Variants in PCOLCE2 observed in about 807,000 individuals in gnomAD.
PCOLCE2 encodes procollagen C-endopeptidase enhancer 2.
Under a neutral mutation model 47.0 loss-of-function variants are expected in PCOLCE2, and 42 were observed. The ratio of observed to expected loss-of-function variants is 0.89; its 90% CI spans 0.70 to 1.16. The LOEUF is 1.16. PCOLCE2 is among the 50% of genes most tolerant of loss of function. The pLI is 0.00. For synonymous variants in PCOLCE2, 169 were observed against 191.7 expected (o/e 0.88, Z 0.98); for missense variants, 500 against 526.1 (o/e 0.95, Z 0.49).
intron 2 of PCOLCE2, among the ~76,000 whole-genome samples, chr3:142,876,294 A>T (rs894135593): frequency 2.6e-5 from 4 of 152,178 alleles, no homozygotes; most frequent in African/African-American, 7.2e-5. Flanking sequence ...AGTATTTACC[A>T]TTTGCTAGGC....
chr3:142,822,895 G>A (rs1937030675), intron 7 of PCOLCE2, among the ~76,000 whole-genome samples: 1 of 152,184 alleles, frequency 6.6e-6, no homozygotes, highest in Admixed American at 6.5e-5. Flanking sequence ...TGTCTTAAAT[G>A]TTCCTTTAAA....
Position 142,829,845 on chromosome 3 carries a change from G to A in PCOLCE2, c.712C>T (p.Pro238Ser). ...GKYCGDSPPA[P>S]IVSERNELLI... Reference sequence around the variant, plus strand: ...AGTTCATTTCTCTCAGACACAATTGGCCTAAAAAAAGAAAAATGTGTTTTT... The same window carrying A: ...AGTTCATTTCTCTCAGACACAATTGACCTAAAAAAAGAAAAATGTGTTTTT... The change falls in exon 6 of 9, where the codon CCA (proline) becomes TCA (serine). Residue 238 changes from proline (P) to serine (S), a missense_variant and splice_region_variant. Coordinates refer to ENST00000295992, the MANE Select transcript of PCOLCE2 (RefSeq NM_013363.4). 4 of 1,549,000 alleles carry A rather than the reference G, an allele frequency of 2.6e-6. No homozygotes were observed. The South Asian group carries it at 5.0e-5, about 19-fold the overall frequency.
intron 2 of PCOLCE2, among the ~76,000 whole-genome samples, chr3:142,879,125 C>T (rs116222377): frequency 0.044 from 6,623 of 152,092 alleles, 148 homozygotes; most frequent in Non-Finnish European, 0.052. Flanking sequence ...TTTAATTATA[C>T]TAAATGCCTT....
Position 142,848,249 on chromosome 3 carries a change from G to A in PCOLCE2, c.416C>T (p.Ala139Val). Residue 139 changes from alanine to valine, a missense_variant, in exon 3 of 9, where the codon GCC becomes GTC. Coordinates refer to ENST00000295992, the MANE Select transcript of PCOLCE2 (RefSeq NM_013363.4). ...GTTTGGTTCAGCAGCGGAGAACATG[G>A]CCATGAAGCCATTGCCAGCTGTGTT... is the stretch of plus-strand genomic sequence containing the variant. Reference protein sequence around the residue: ...DANTAGNGFMAMFSAAEPNER... With the variant: ...DANTAGNGFMVMFSAAEPNER... 3 of 1,614,180 alleles carry A rather than the reference G, an allele frequency of 1.9e-6. No homozygotes were observed. Among genetic ancestry groups the A allele is most frequent in the Non-Finnish European group, 2.5e-6 (3 of 1,180,014 alleles).
chr3:142,851,594 G>A (rs1932944442), intron 2 of PCOLCE2, among the ~76,000 whole-genome samples: 1 of 152,182 alleles, frequency 6.6e-6, no homozygotes, highest in Non-Finnish European at 1.5e-5. Context: ...GTGGAAGTGG[G>A]AGGCTGAGGA....
At chr3:142,859,581 C>T (rs938985422) in intron 2 of PCOLCE2, among the ~76,000 whole-genome samples, 2 of 149,302 alleles carry the variant, frequency 1.3e-5, no homozygotes, top group South Asian at 2.1e-4. Context: ...TTTTTTGAGA[C>T]GAAGTCTCTC....
At chr3:142,873,615 C>T (rs1271801508) in intron 2 of PCOLCE2, among the ~76,000 whole-genome samples, 2 of 152,060 alleles carry the variant, frequency 1.3e-5, no homozygotes, top group Non-Finnish European at 2.9e-5. Context: ...AACTGACTAG[C>T]GGAATGTAAA....
chr3:142,823,679 T>G (rs1438294496), intron 6 of PCOLCE2, 64 bp from the exon 7 acceptor site: 4 of 877,166 alleles, frequency 4.6e-6, no homozygotes, highest in Non-Finnish European at 7.6e-6. Context: ...TCTTTAGTTC[T>G]GAATCTACCC....
chr3:142,834,322 T>C (rs1270207776), intron 5 of PCOLCE2, among the ~76,000 whole-genome samples: 1 of 152,208 alleles, frequency 6.6e-6, no homozygotes, highest in Admixed American at 6.5e-5. Context: ...AGAATTAGAC[T>C]GCTAGGCTTA....
chr3:142,871,157 G>A (rs777381109), intron 2 of PCOLCE2, among the ~76,000 whole-genome samples: 3 of 151,902 alleles, frequency 2.0e-5, no homozygotes, highest in South Asian at 2.1e-4. Context: ...TACACCCCTC[G>A]TCTTGTCCAT....
At position 142,855,463 on chromosome 3, in the gene PCOLCE2, G is replaced by A. The variant is rs543602239; in HGVS notation, c.193-6991C>T. On this transcript the variant is annotated intron_variant, in intron 2 of 8. Transcript: ENST00000295992. ...CGGGGAGGAAGAAATGGCTGACAGC[G>A]GTTATGATGACTTGCCTAAGGCCAC... Among the ~76,000 whole-genome samples the A allele has an allele frequency of 1.4e-4, 21 of 152,246 alleles. No homozygotes were observed. In the South Asian group the frequency reaches 3.1e-3, roughly 23 times the overall value.
At position 142,888,801 on chromosome 3, in the gene PCOLCE2, G is replaced by C; in HGVS notation, c.83+13C>G. ...AAAGGAGAGAAAGGGAGCCCGGGCA[G>C]GGGTCGCGTTACCTCTCTGGGGACT... is the stretch of plus-strand genomic sequence containing the variant. On this transcript the variant is annotated intron_variant, in intron 1 of 8. Coordinates refer to ENST00000295992, the MANE Select transcript of PCOLCE2 (RefSeq NM_013363.4). 1 of 1,467,842 alleles carries C rather than the reference G, an allele frequency of 6.8e-7. No individual in the cohort carries two copies. The highest frequency in any genetic ancestry group is 1.4e-5 in the South Asian group (1 of 73,346). 90.9% of individuals were successfully genotyped at this position (1,467,842 alleles called of 1,614,324 possible).
chr3:142,824,440 C>T (rs759015608), intron 6 of PCOLCE2, among the ~76,000 whole-genome samples: 5 of 152,064 alleles, frequency 3.3e-5, no homozygotes, highest in Admixed American at 1.3e-4. Flanking sequence ...GGGTTAACAA[C>T]GTGAAAATAG....
chr3:142,861,495 T>C (rs1933182219), intron 2 of PCOLCE2, among the ~76,000 whole-genome samples: 1 of 152,020 alleles, frequency 6.6e-6, no homozygotes, highest in Non-Finnish European at 1.5e-5. Flanking sequence ...CTGATACTAA[T>C]TTTTTTATCT....
At chr3:142,867,332 C>T (rs1007165748) in intron 2 of PCOLCE2, among the ~76,000 whole-genome samples, 1 of 152,164 alleles carries the variant, frequency 6.6e-6, no homozygotes, top group African/African-American at 2.4e-5. Flanking sequence ...ACAGCCATAT[C>T]AGAAGAATAT....
At chr3:142,823,934 T>C (rs1051436754) in intron 6 of PCOLCE2, among the ~76,000 whole-genome samples, 1 of 152,240 alleles carries the variant, frequency 6.6e-6, no homozygotes, top group Non-Finnish European at 1.5e-5. Context: ...GTGTGTGCCC[T>C]GTTTAGAAAA....
At chr3:142,886,917 A>C (rs1272726806) in intron 2 of PCOLCE2, among the ~76,000 whole-genome samples, 1 of 152,212 alleles carries the variant, frequency 6.6e-6, no homozygotes, top group Non-Finnish European at 1.5e-5. Flanking sequence ...ATCTGACTGA[A>C]AGAAGCTCTC....
At chr3:142,875,679 G>T (rs1933483274) in intron 2 of PCOLCE2, among the ~76,000 whole-genome samples, 1 of 152,088 alleles carries the variant, frequency 6.6e-6, no homozygotes, top group Non-Finnish European at 1.5e-5. Context: ...CACAACAAAG[G>T]TTGCAGAGAG....
intron 8 of PCOLCE2, among the ~76,000 whole-genome samples, chr3:142,819,049 T>C (rs1478516446): frequency 6.6e-6 from 1 of 152,252 alleles, no homozygotes; most frequent in African/African-American, 2.4e-5. Context: ...CACTCTCTTA[T>C]GTTGCTGTTG....
Sources: gnomAD v4.1 joint callset for allele counts (sites outside exome capture counted in the v4.1 genomes callset) on GRCh38, gnomAD v4.1.1 for gene constraint, MANE v1.5 for transcripts, NCBI Gene and HGNC (gene_info 2026-07-23, HGNC 2026-07-21) for gene names.